The following LUZP2 variants were observed in gnomAD, a reference collection of about 807,000 sequenced individuals.
LUZP2 encodes leucine zipper protein 2.
Under a neutral mutation model 51.6 loss-of-function variants are expected in LUZP2, and 52 were observed. That is an observed-to-expected ratio of 1.01 (90% CI 0.81 to 1.27). The LOEUF (loss-of-function observed/expected upper bound fraction) is 1.27, where lower values mean the gene tolerates loss of function less well. Ranked by LOEUF, LUZP2 falls within the 50% of genes most tolerant of loss-of-function variation. The probability of loss-of-function intolerance (pLI) is 0.00; values close to 1 mark genes in which losing one functional copy is unlikely to be tolerated. For missense variants in LUZP2, 436 were observed against 395.4 expected, an observed-to-expected ratio of 1.10 and a Z score of -0.87; for synonymous variants, 154 against 137.3, an observed-to-expected ratio of 1.12 and a Z score of -0.85.
intron 2 of LUZP2, among the ~76,000 whole-genome samples, chr11:24,730,863 G>A (rs1481226163): frequency 1.3e-5 from 2 of 151,754 alleles, no homozygotes; most frequent in Non-Finnish European, 2.9e-5. Context: ...AAACATAACT[G>A]CAGTTCTTAA....
chr11:24,670,180 A>T (rs967960429), intron 1 of LUZP2, among the ~76,000 whole-genome samples: 2 of 152,098 alleles, frequency 1.3e-5, no homozygotes, highest in Non-Finnish European at 2.9e-5. Flanking sequence ...AAGCAACACC[A>T]GAACTTGGAG....
intron 5 of LUZP2, among the ~76,000 whole-genome samples, chr11:24,808,061 A>T (rs1165026868): frequency 6.6e-6 from 1 of 152,214 alleles, no homozygotes; most frequent in African/African-American, 2.4e-5. Context: ...CACAATGGAA[A>T]TAAAATGTAA....
intron 1 of LUZP2, among the ~76,000 whole-genome samples, chr11:24,530,875 C>A (rs753888333): frequency 7.0e-6 from 1 of 143,622 alleles, no homozygotes; most frequent in Non-Finnish European, 1.5e-5. Flanking sequence ...GCTGGTTCCT[C>A]GTTTTCCATT....
At chr11:24,548,656 C>A (rs1181315286) in intron 1 of LUZP2, among the ~76,000 whole-genome samples, 1 of 151,920 alleles carries the variant, frequency 6.6e-6, no homozygotes, top group African/African-American at 2.4e-5. Flanking sequence ...CAGTGACACA[C>A]AATTTATTCA....
intron 10 of LUZP2, among the ~76,000 whole-genome samples, chr11:25,058,877 A>C (rs978564484): frequency 1.3e-5 from 2 of 152,206 alleles, no homozygotes; most frequent in Middle Eastern, 3.2e-3. Flanking sequence ...CAGCACTAAA[A>C]CATTGTTCTG....
At chr11:24,655,744 G>T (rs545731026) in intron 1 of LUZP2, among the ~76,000 whole-genome samples, 1 of 152,276 alleles carries the variant, frequency 6.6e-6, no homozygotes, top group Admixed American at 6.5e-5. Context: ...GTCCACTGGA[G>T]TTTGCTGTAT....
intron 1 of LUZP2, among the ~76,000 whole-genome samples, chr11:24,727,877 C>G (rs1218225131): frequency 6.6e-6 from 1 of 151,708 alleles, no homozygotes; most frequent in Non-Finnish European, 1.5e-5. Flanking sequence ...TAATAGAAGT[C>G]TATTCTAGAT....
chr11:24,875,743 T>C (rs1423414144), intron 5 of LUZP2, among the ~76,000 whole-genome samples: 1 of 152,118 alleles, frequency 6.6e-6, no homozygotes, highest in Non-Finnish European at 1.5e-5. Context: ...TTCCTATTTC[T>C]CCAAATCCTC....
intron 1 of LUZP2, among the ~76,000 whole-genome samples, chr11:24,572,555 A>G (rs1392332115): frequency 6.6e-6 from 1 of 152,042 alleles, no homozygotes; most frequent in Non-Finnish European, 1.5e-5. Context: ...CAAACCATGG[A>G]CAGCCAATTT....
intron 1 of LUZP2, among the ~76,000 whole-genome samples, chr11:24,521,205 G>A (rs533022753): frequency 1.3e-5 from 2 of 152,058 alleles, no homozygotes; most frequent in African/African-American, 4.8e-5. Flanking sequence ...GCAAAAGTTA[G>A]TCAGGCATGG....
intron 9 of LUZP2, among the ~76,000 whole-genome samples, chr11:24,991,350 G>A (rs868152733): frequency 1.1e-4 from 15 of 142,238 alleles, no homozygotes; most frequent in East Asian, 4.2e-4. Flanking sequence ...GTGTGTGTGT[G>A]TATATATATA....
chr11:24,580,742 A>G (rs1330746681), intron 1 of LUZP2, among the ~76,000 whole-genome samples: 1 of 152,124 alleles, frequency 6.6e-6, no homozygotes, highest in African/African-American at 2.4e-5. Context: ...ACCACATTAT[A>G]AATTTTATTC....
intron 1 of LUZP2, among the ~76,000 whole-genome samples, chr11:24,519,474 TA>T (rs1850575093): frequency 6.6e-6 from 1 of 152,202 alleles, no homozygotes; most frequent in Admixed American, 6.5e-5. Context: ...TGAAGTCAAT[TA>T]AACAATTGAA....
At chr11:24,622,285 C>T (rs370389775) in intron 1 of LUZP2, among the ~76,000 whole-genome samples, 12 of 151,480 alleles carry the variant, frequency 7.9e-5, no homozygotes, top group Admixed American at 3.3e-4. Flanking sequence ...CCTCTCCCCC[C>T]TCCCCACAAC....
intron 9 of LUZP2, among the ~76,000 whole-genome samples, chr11:25,029,050 T>C (rs542286488): frequency 2.0e-5 from 3 of 152,138 alleles, no homozygotes; most frequent in African/African-American, 4.8e-5. Flanking sequence ...CTCATGGACA[T>C]AGAGAGTAGA....
chr11:24,723,780 A>G (rs1443390036), intron 1 of LUZP2, among the ~76,000 whole-genome samples: 7 of 152,240 alleles, frequency 4.6e-5, no homozygotes, highest in South Asian at 2.1e-4. Context: ...GCAGTGAGCT[A>G]TGATTACACC....
At chr11:24,770,346 T>C (rs1459674204) in intron 5 of LUZP2, among the ~76,000 whole-genome samples, 1 of 152,152 alleles carries the variant, frequency 6.6e-6, no homozygotes, top group Non-Finnish European at 1.5e-5. Flanking sequence ...TAAGAGTGGG[T>C]TTGATTCTGG....
At chr11:24,682,312 T>G (rs938818968) in intron 1 of LUZP2, among the ~76,000 whole-genome samples, 2 of 151,804 alleles carry the variant, frequency 1.3e-5, no homozygotes, top group African/African-American at 4.8e-5. Context: ...CTGGCCAACA[T>G]GCTGAAACAG....
rs551329401 is a variant in LUZP2 at position 24,984,018 on chromosome 11, A to T, written c.765+725A>T. Among the ~76,000 whole-genome samples the T allele has an allele frequency of 2.0e-5, 3 of 151,876 alleles. No individual in the cohort carries two copies. In the South Asian group the frequency reaches 6.2e-4, roughly 31 times the overall value. The stretch of plus-strand genomic sequence containing the variant: ...AAAAACTTCAATTTGTAGGCCCTAC[A>T]TACATTGAAATAAATCCTGAGAGCC... On this transcript the variant is annotated intron_variant, in intron 9 of 11. Coordinates refer to ENST00000336930, the MANE Select transcript of LUZP2 (RefSeq NM_001009909.4).
Sources: allele counts gnomAD v4.1 joint callset (sites outside exome capture counted in the v4.1 genomes callset), GRCh38; gene constraint gnomAD v4.1.1; transcripts MANE v1.5; gene names NCBI Gene and HGNC (gene_info 2026-07-23, HGNC 2026-07-21).